PLEKHG7: variants seen among roughly 807,000 people sequenced by gnomAD.
PLEKHG7 encodes pleckstrin homology domain-containing family G member 7.
Under a neutral mutation model 85.2 loss-of-function variants are expected in PLEKHG7, and 77 were observed. That is an observed-to-expected ratio of 0.90 (90% CI 0.75 to 1.09). PLEKHG7 has a LOEUF of 1.09. Ranked by LOEUF, PLEKHG7 falls within the 50% of genes least tolerant of loss-of-function variation. PLEKHG7 has a pLI of 0.00. For synonymous variants in PLEKHG7, 301 were observed against 302.4 expected (o/e 1.00, Z 0.05); for missense variants, 777 against 804.3 (o/e 0.97, Z 0.41).
intron 9 of PLEKHG7, 64 bp from the exon 10 acceptor site, chr12:92,745,414 C>T: frequency 9.0e-7 from 1 of 1,113,186 alleles, no homozygotes; most frequent in South Asian, 1.3e-5. Context: ...GAGAAACACT[C>T]TTTCAGGGCT....
Position 92,770,882 on chromosome 12 carries a change from T to C in PLEKHG7, c.*687T>C, listed in dbSNP as rs1283009873. ...AGTTAACACTTTTGCATGGCTTTTC[T>C]TGGCCTGTTGTGAAGTGTACAGATT... On this transcript the variant is annotated 3_prime_UTR_variant, in exon 17 of 17. Transcript: ENST00000344636. 6.6e-6 allele frequency: 1 copy of C among 152,154 alleles called. No homozygotes were observed. The highest frequency in any genetic ancestry group is 1.5e-5 in the Non-Finnish European group (1 of 67,996). 9.4% of individuals were successfully genotyped at this position (152,154 alleles called of 1,614,324 possible). A position where few individuals can be genotyped will look rare whatever the true frequency, so the allele number is the denominator to read the frequency against.
At chr12:92,726,611 C>T (rs146791682) in intron 3 of PLEKHG7, among the ~76,000 whole-genome samples, 237 of 152,218 alleles carry the variant, frequency 1.6e-3, no homozygotes, top group African/African-American at 5.5e-3. Context: ...CACGACAGAC[C>T]CCTTACCAGC....
At chr12:92,745,964 T>C (rs749943024) in intron 10 of PLEKHG7, among the ~76,000 whole-genome samples, 49 of 152,330 alleles carry the variant, frequency 3.2e-4, no homozygotes, top group Middle Eastern at 3.4e-3. Flanking sequence ...AGTTCCAGCA[T>C]AGAAACTTGG....
At chr12:92,703,668 G>A (rs1871149420) in intron 1 of PLEKHG7, among the ~76,000 whole-genome samples, 1 of 152,236 alleles carries the variant, frequency 6.6e-6, no homozygotes, top group South Asian at 2.1e-4. Context: ...TGGTGCTTGA[G>A]CTCTTCCTGC....
intron 9 of PLEKHG7, among the ~76,000 whole-genome samples, chr12:92,741,928 A>G (rs1400015522): frequency 6.6e-6 from 1 of 152,226 alleles, no homozygotes; most frequent in African/African-American, 2.4e-5. Context: ...CAGTTGTTTT[A>G]ACGAAAGTAC....
chr12:92,753,229 C>T (rs966672232), intron 10 of PLEKHG7, among the ~76,000 whole-genome samples: 3 of 152,134 alleles, frequency 2.0e-5, no homozygotes, highest in African/African-American at 7.2e-5. Flanking sequence ...CACCCCTATA[C>T]TCCTTCCTGA....
chr12:92,742,805 C>T (rs568772577), intron 9 of PLEKHG7, among the ~76,000 whole-genome samples: 3 of 152,026 alleles, frequency 2.0e-5, no homozygotes, highest in South Asian at 2.1e-4. Flanking sequence ...AGGCTGGTCT[C>T]GAATTCCCTC....
chr12:92,755,974 A>T (rs376574222), intron 12 of PLEKHG7, 34 bp downstream of exon 12: 1 of 1,435,986 alleles, frequency 7.0e-7, no homozygotes, highest in South Asian at 1.2e-5. Context: ...ACTTATGTCC[A>T]TTTCTGGAAT....
intron 13 of PLEKHG7, 98 bp downstream of exon 13, chr12:92,756,489 A>T: frequency 1.1e-6 from 1 of 937,672 alleles, no homozygotes; most frequent in Non-Finnish European, 1.7e-6. Context: ...GTGTTTGCCT[A>T]TGTTCCAGGT....
At chr12:92,716,641 G>A (rs1217725358) in intron 3 of PLEKHG7, among the ~76,000 whole-genome samples, 1 of 152,216 alleles carries the variant, frequency 6.6e-6, no homozygotes, top group East Asian at 1.9e-4. Flanking sequence ...AAGTGTGAGG[G>A]AATTTAGGCT....
At chr12:92,743,491 G>T (rs1872428240) in intron 9 of PLEKHG7, among the ~76,000 whole-genome samples, 1 of 150,796 alleles carries the variant, frequency 6.6e-6, no homozygotes, top group Admixed American at 6.6e-5. Flanking sequence ...ATTTAGCTAA[G>T]ATCATATAGC....
intron 1 of PLEKHG7, among the ~76,000 whole-genome samples, chr12:92,704,693 T>G (rs948724846): frequency 3.9e-5 from 6 of 152,238 alleles, no homozygotes; most frequent in Non-Finnish European, 7.3e-5. Flanking sequence ...AAGTTGTTCC[T>G]CAAACAACTC....
chr12:92,770,288 A>G lies in PLEKHG7; in HGVS notation c.*93A>G, dbSNP rs1290287804. The G allele has an allele frequency of 1.0e-6, 1 of 976,520 alleles. No homozygotes were observed. Among genetic ancestry groups the G allele is most frequent in the East Asian group, 2.6e-5 (1 of 38,622 alleles). 60.5% of individuals were successfully genotyped at this position (976,520 alleles called of 1,614,324 possible). On this transcript the variant is annotated 3_prime_UTR_variant, in exon 17 of 17. Coordinates refer to ENST00000344636, the MANE Select transcript of PLEKHG7 (RefSeq NM_001377329.1). ...TGTAACACTTAGCTAGTGATAAGCT[A>G]GAAGGAAATTTGCATTTTAAAGAAG...
In PLEKHG7 at chr12:92,761,607, A is replaced by AAAAG. The variant is rs1346207267; in HGVS notation, c.1637-130_1637-127dup. The AAAAG allele has an allele frequency of 1.8e-5, 18 of 1,022,426 alleles. No individual in the cohort carries two copies. The African/African-American group carries it at 2.7e-4, about 16-fold the overall frequency. The allele number at this position is 1,022,426 out of a possible 1,614,324, so 63.3% of individuals were successfully genotyped here. On this transcript the variant is annotated intron_variant, in intron 13 of 16. Coordinates refer to ENST00000344636, the MANE Select transcript of PLEKHG7 (RefSeq NM_001377329.1). The stretch of plus-strand genomic sequence containing the variant: ...AAGAGAGAATGAAAAGAAAGAAAGA[A>AAAAG]AAAGAAAGAAAGAAAGAAGAAAGAA...
rs1026313651 is a variant in PLEKHG7 at position 92,770,441 on chromosome 12, C to T, written c.*246C>T. 7.8e-6 allele frequency: 3 copies of T among 383,436 alleles called. No individual in the cohort carries two copies. The highest frequency in any genetic ancestry group is 6.9e-5 in the South Asian group (2 of 28,836). The allele number at this position is 383,436 out of a possible 1,614,324, so 23.8% of individuals were successfully genotyped here. A position where few individuals can be genotyped will look rare whatever the true frequency, so the allele number is the denominator to read the frequency against. ...CATCCAGATTACCTTCTAATGCTTCCGTCAGGTTTGTAAGAGGTGTGAGTG... is the reference window on the plus strand; with the variant it reads ...CATCCAGATTACCTTCTAATGCTTCTGTCAGGTTTGTAAGAGGTGTGAGTG... On this transcript the variant is annotated 3_prime_UTR_variant, in exon 17 of 17. Transcript: ENST00000344636.
At chr12:92,722,595 C>T in intron 3 of PLEKHG7, among the ~76,000 whole-genome samples, 1 of 152,166 alleles carries the variant, frequency 6.6e-6, no homozygotes, top group Non-Finnish European at 1.5e-5. Context: ...AATTCAACTC[C>T]AAATTTGACC....
chr12:92,706,382 A>G (rs1044960316), intron 1 of PLEKHG7, 89 bp from the exon 2 acceptor site: 3 of 446,778 alleles, frequency 6.7e-6, no homozygotes, highest in Non-Finnish European at 1.2e-5. Flanking sequence ...GAAGAATTAG[A>G]AGTTTTCCTT....
rs149166177 is a variant in PLEKHG7, at chr12:92,730,987, T to C, written c.659-1246T>C. 3.0e-4 allele frequency among the ~76,000 whole-genome samples: 46 copies of C among 152,332 alleles called. No homozygotes were observed. In the East Asian group the frequency reaches 8.5e-3, roughly 28 times the overall value. On this transcript the variant is annotated intron_variant, in intron 4 of 16. Coordinates refer to ENST00000344636, the MANE Select transcript of PLEKHG7 (RefSeq NM_001377329.1). ...TGCTGCTCACGCTTTGCTGTGCATA[T>C]GAGTCACCTGCAGATATAGTTGAAA...
At chr12:92,736,185 A>C (rs193217570) in intron 5 of PLEKHG7, among the ~76,000 whole-genome samples, 1 of 152,202 alleles carries the variant, frequency 6.6e-6, no homozygotes, top group Non-Finnish European at 1.5e-5. Context: ...TAGGCATGAT[A>C]AGACTGTTTG....
Sources: gnomAD v4.1 joint callset for allele counts (sites outside exome capture counted in the v4.1 genomes callset) on GRCh38, gnomAD v4.1.1 for gene constraint, MANE v1.5 for transcripts, NCBI Gene and HGNC (gene_info 2026-07-23, HGNC 2026-07-21) for gene names.